The following ASIC2 variants were observed in gnomAD, a reference collection of about 807,000 sequenced individuals.
ASIC2 encodes the protein acid sensing ion channel subunit 2.
A neutral mutation model predicts 57.3 loss-of-function variants in ASIC2; 25 were observed. The observed-to-expected ratio is 0.44, with a 90% CI of 0.32 to 0.61. ASIC2 has a LOEUF of 0.61. ASIC2 is among the 20% of genes least tolerant of loss of function. ASIC2 has a pLI of 0.06. For synonymous variants in ASIC2, 319 were observed against 307.5 expected (o/e 1.04, Z -0.39); for missense variants, 641 against 738.1 (o/e 0.87, Z 1.52).
intron 1 of ASIC2, among the ~76,000 whole-genome samples, chr17:33,858,009 C>A (rs1914007579): frequency 6.6e-6 from 1 of 152,154 alleles, no homozygotes; most frequent in Non-Finnish European, 1.5e-5. Flanking sequence ...AGTGGGAGGT[C>A]AAGAGGACCT....
At chr17:33,548,350 G>A (rs115770337) in intron 1 of ASIC2, among the ~76,000 whole-genome samples, 2,403 of 152,228 alleles carry the variant, frequency 0.016, 61 homozygotes, top group African/African-American at 0.054. Context: ...ATCACATTTC[G>A]TTCCCCTTTA....
intron 1 of ASIC2, among the ~76,000 whole-genome samples, chr17:34,066,272 GTTAA>G (rs1485097818): frequency 2.0e-5 from 3 of 152,188 alleles, no homozygotes; most frequent in African/African-American, 4.8e-5. Context: ...GGAACCACTG[GTTAA>G]TTAAGTCGTT....
At chr17:33,873,559 T>G (rs2141933539) in intron 1 of ASIC2, among the ~76,000 whole-genome samples, 1 of 152,342 alleles carries the variant, frequency 6.6e-6, no homozygotes, top group Non-Finnish European at 1.5e-5. Flanking sequence ...CTTGTATAGG[T>G]TTCTTTACCT....
At chr17:34,112,215 T>C (rs1331573541) in intron 1 of ASIC2, among the ~76,000 whole-genome samples, 23 of 152,148 alleles carry the variant, frequency 1.5e-4, no homozygotes, top group Admixed American at 1.2e-3. Flanking sequence ...AACTTCCCTA[T>C]AATCTCTGAG....
chr17:33,454,791 G>A (rs1448349859), intron 1 of ASIC2, among the ~76,000 whole-genome samples: 1 of 152,156 alleles, frequency 6.6e-6, no homozygotes, highest in East Asian at 1.9e-4. Context: ...TTCCAAGATG[G>A]CTCTGTGTTA....
At chr17:34,024,489 G>A (rs879139997) in intron 1 of ASIC2, among the ~76,000 whole-genome samples, 13 of 152,224 alleles carry the variant, frequency 8.5e-5, no homozygotes, top group African/African-American at 2.9e-4. Flanking sequence ...GGTCACTGTC[G>A]ATAGCATTAG....
chr17:33,608,241 A>G (rs1265585613), intron 1 of ASIC2, among the ~76,000 whole-genome samples: 1 of 151,988 alleles, frequency 6.6e-6, no homozygotes, highest in East Asian at 1.9e-4. Flanking sequence ...TCAAGCTCAC[A>G]CTATTGCCCT....
chr17:33,737,221 T>G (rs1000820655), intron 1 of ASIC2, among the ~76,000 whole-genome samples: 3 of 152,276 alleles, frequency 2.0e-5, no homozygotes, highest in Non-Finnish European at 4.4e-5. Context: ...TCAGTAGGAT[T>G]GCTGATCAAA....
intron 1 of ASIC2, among the ~76,000 whole-genome samples, chr17:33,437,175 T>C (rs1320962588): frequency 6.6e-6 from 1 of 151,814 alleles, no homozygotes; most frequent in Non-Finnish European, 1.5e-5. Flanking sequence ...CCAACTTCTT[T>C]TGAGACAGGA....
intron 2 of ASIC2, among the ~76,000 whole-genome samples, chr17:33,093,820 G>A (rs967653334): frequency 1.3e-5 from 2 of 152,300 alleles, no homozygotes; most frequent in South Asian, 2.1e-4. Context: ...GGCAAATTAC[G>A]GAAAACATGC....
chr17:33,330,141 T>A (rs926783549), intron 1 of ASIC2, among the ~76,000 whole-genome samples: 2 of 152,164 alleles, frequency 1.3e-5, no homozygotes, highest in Non-Finnish European at 2.9e-5. Flanking sequence ...ATCTCTAAAT[T>A]TGTGAGCATA....
chr17:33,863,900 GTT>G (rs1031021531), intron 1 of ASIC2, among the ~76,000 whole-genome samples: 15 of 72,484 alleles, frequency 2.1e-4, no homozygotes, highest in African/African-American at 7.1e-4. Flanking sequence ...CTCTTTTTTT[GTT>G]TTTTTTTTTT....
chr17:34,085,781 C>T (rs1261001610), intron 1 of ASIC2, among the ~76,000 whole-genome samples: 4 of 152,020 alleles, frequency 2.6e-5, no homozygotes, highest in East Asian at 1.9e-4. Context: ...GTGTACGTGT[C>T]GAGGAATTTA....
intron 1 of ASIC2, among the ~76,000 whole-genome samples, chr17:33,439,791 T>A (rs2141983320): frequency 6.6e-6 from 1 of 152,292 alleles, no homozygotes; most frequent in African/African-American, 2.4e-5. Context: ...TGATTCAACA[T>A]GTTACAAGAC....
chr17:33,142,261 C>T (rs900123487), intron 1 of ASIC2, among the ~76,000 whole-genome samples: 1 of 152,192 alleles, frequency 6.6e-6, no homozygotes, highest in Non-Finnish European at 1.5e-5. Flanking sequence ...AGGATGTGCT[C>T]AGATGTTTGA....
intron 1 of ASIC2, chr17:34,036,893 C>T (rs1002692376): frequency 1.4e-4 from 22 of 152,240 alleles, no homozygotes; most frequent in Non-Finnish European, 2.4e-4. Context: ...CAATTTTTTC[C>T]CTACTGAGAT....
At chr17:33,197,130 G>T (rs1906662933) in intron 1 of ASIC2, among the ~76,000 whole-genome samples, 4 of 152,134 alleles carry the variant, frequency 2.6e-5, no homozygotes, top group Admixed American at 6.5e-5. Context: ...AGGTGGTAGT[G>T]GGCAGGGATT....
chr17:33,189,670 A>G (rs1024418768), intron 1 of ASIC2, among the ~76,000 whole-genome samples: 1 of 152,162 alleles, frequency 6.6e-6, no homozygotes, highest in African/African-American at 2.4e-5. Flanking sequence ...TAGATTTCAG[A>G]GCAAAGAATA....
intron 1 of ASIC2, among the ~76,000 whole-genome samples, chr17:33,985,600 C>T (rs950234968): frequency 1.3e-5 from 2 of 152,156 alleles, no homozygotes; most frequent in Admixed American, 1.3e-4. Flanking sequence ...AGTATCTGAA[C>T]CACCAGGGAA....
Sources: allele counts gnomAD v4.1 joint callset (sites outside exome capture counted in the v4.1 genomes callset), GRCh38; gene constraint gnomAD v4.1.1; transcripts MANE v1.5; gene names NCBI Gene and HGNC (gene_info 2026-07-23, HGNC 2026-07-21).